The following ANOS1 variants were observed in gnomAD, a reference collection of about 807,000 sequenced individuals.
The protein encoded by ANOS1 is anosmin-1.
In ANOS1, 6 loss-of-function variants were observed where a neutral mutation model predicts 59.0. That is an observed-to-expected ratio of 0.10 (90% CI 0.06 to 0.20). The LOEUF is 0.20. Ranked by LOEUF, ANOS1 falls within the 10% of genes least tolerant of loss-of-function variation. The probability of loss-of-function intolerance (pLI) is 1.00; values close to 1 mark genes in which losing one functional copy is unlikely to be tolerated. For synonymous variants in ANOS1, 217 were observed against 223.4 expected (o/e 0.97, Z 0.25); for missense variants, 433 against 542.3 (o/e 0.80, Z 2.00).
chrX:8,659,141 C>A (rs1468138825), intron 2 of ANOS1, among the ~76,000 whole-genome samples: 1 of 109,929 alleles, frequency 9.1e-6, no homozygotes, highest in African/African-American at 3.3e-5. Flanking sequence ...GCAGGAGAAT[C>A]GCGTGAACCC....
At chrX:8,709,704 C>G (rs1273963217) in intron 1 of ANOS1, among the ~76,000 whole-genome samples, 1 of 111,823 alleles carries the variant, frequency 8.9e-6, no homozygotes, top group Non-Finnish European at 1.9e-5. Context: ...ATTTCCTTAA[C>G]TGTTGTAGGT....
chrX:8,561,604 C>T (rs1384607076), intron 8 of ANOS1, among the ~76,000 whole-genome samples: 2 of 108,425 alleles, frequency 1.8e-5, no homozygotes, highest in East Asian at 2.9e-4. Context: ...CGTGAGCCAC[C>T]GCGCCCAGCC....
At chrX:8,588,562 C>T (rs1482623249) in intron 4 of ANOS1, among the ~76,000 whole-genome samples, 1 of 112,110 alleles carries the variant, frequency 8.9e-6, no homozygotes, top group Admixed American at 9.5e-5. Flanking sequence ...TTGGATTCCG[C>T]AATCAATTGC....
At chrX:8,671,868 ATAGTTAAGG>A (rs1288877621) in intron 2 of ANOS1, among the ~76,000 whole-genome samples, 89 of 110,939 alleles carry the variant, frequency 8.0e-4, no homozygotes, top group African/African-American at 2.7e-3. Context: ...ACATTGTGGA[ATAGTTAAGG>A]TAGTTAACGT....
In ANOS1 at chrX:8,644,445, C is replaced by T. The variant is rs184718888; in HGVS notation, c.256-20775G>A. Among the ~76,000 whole-genome samples the T allele has an allele frequency of 2.8e-4, 31 of 109,025 alleles. No individual in the cohort carries two copies. The East Asian group carries it at 8.7e-3, about 31-fold the overall frequency. 94.7% of individuals were successfully genotyped at this position (109,025 alleles called of 115,157 possible). On this transcript the variant is annotated intron_variant, in intron 2 of 13. Transcript: ENST00000262648. ...ATAAGATACCCAACTCCAACCTGAC[C>T]GTAGTATAGCATCACATGACAGATA...
rs1048742699 is a variant in ANOS1 at position 8,702,482 on chromosome X, G to A, written c.208-2737C>T. Among the ~76,000 whole-genome samples the A allele has an allele frequency of 1.3e-4, 15 of 112,022 alleles. No individual in the cohort carries two copies. In the East Asian group the frequency reaches 3.1e-3, roughly 23 times the overall value. On this transcript the variant is annotated intron_variant, in intron 1 of 13. Transcript: ENST00000262648. Reference sequence around the variant, plus strand: ...GCAGGGGCCAGGCATTGAGCATGCAGAAGCTGGGGGCTGGGGCAGGGCAGC... The same window carrying A: ...GCAGGGGCCAGGCATTGAGCATGCAAAAGCTGGGGGCTGGGGCAGGGCAGC...
intron 2 of ANOS1, among the ~76,000 whole-genome samples, chrX:8,642,680 T>C (rs986973604): frequency 1.8e-5 from 2 of 112,133 alleles, no homozygotes; most frequent in Non-Finnish European, 3.8e-5. Context: ...TTTGAATAGA[T>C]TCATATTGTC....
rs761965642 is a variant in ANOS1, at chrX:8,607,049, G to A, written c.319-9793C>T. On this transcript the variant is annotated intron_variant, in intron 3 of 13. Transcript: ENST00000262648. ...CAGGAGAATCTTCAAACTAGGAGAC[G>A]GAGGTTGCAGTGAGCCAAGATTGCA... 5.4e-5 allele frequency among the ~76,000 whole-genome samples: 6 copies of A among 112,062 alleles called. No individual in the cohort carries two copies. The South Asian group carries it at 1.1e-3, about 21-fold the overall frequency.
chrX:8,714,566 C>G (rs1602040769), intron 1 of ANOS1, among the ~76,000 whole-genome samples: 1 of 111,163 alleles, frequency 9.0e-6, no homozygotes, highest in South Asian at 3.8e-4. Flanking sequence ...ATGTGCTTCC[C>G]TACTGAATAT....
intron 1 of ANOS1, among the ~76,000 whole-genome samples, chrX:8,709,024 A>T (rs920575868): frequency 2.6e-4 from 29 of 111,095 alleles, no homozygotes; most frequent in Admixed American, 2.3e-3. Context: ...CAGAAAACCA[A>T]ACACCGCAAG....
intron 2 of ANOS1, among the ~76,000 whole-genome samples, chrX:8,636,871 T>A (rs1340052160): frequency 8.9e-6 from 1 of 112,263 alleles, no homozygotes; most frequent in Non-Finnish European, 1.9e-5. Flanking sequence ...CTGCTCCAGA[T>A]TAATGAGTTA....
chrX:8,548,583 C>T (rs1010648065), intron 9 of ANOS1, among the ~76,000 whole-genome samples: 25 of 112,261 alleles, frequency 2.2e-4, no homozygotes, highest in African/African-American at 7.8e-4. Flanking sequence ...CAGAACAAAT[C>T]CTGACATGTC....
chrX:8,656,546 T>A (rs1276922200), intron 2 of ANOS1, among the ~76,000 whole-genome samples: 1 of 111,407 alleles, frequency 9.0e-6, no homozygotes, highest in African/African-American at 3.3e-5. Context: ...GAGCCACTCA[T>A]TCATCCTCGT....
chrX:8,572,300 G>A (rs759392069), intron 6 of ANOS1, among the ~76,000 whole-genome samples: 1 of 110,176 alleles, frequency 9.1e-6, no homozygotes, highest in South Asian at 4.0e-4. Flanking sequence ...CCTCCCCCAA[G>A]CAGGCCCTGG....
chrX:8,675,747 G>A (rs372074202), intron 2 of ANOS1, among the ~76,000 whole-genome samples: 2 of 108,247 alleles, frequency 1.8e-5, no homozygotes, highest in East Asian at 5.8e-4. Context: ...GGATGTGCAG[G>A]TTTGTTACAT....
intron 8 of ANOS1, among the ~76,000 whole-genome samples, chrX:8,567,136 C>A (rs1429614418): frequency 1.8e-5 from 2 of 111,951 alleles, no homozygotes; most frequent in Non-Finnish European, 3.8e-5. Context: ...TTGAACAAAG[C>A]CAGAAACATC....
chrX:8,533,898 T>C (rs893909018), intron 13 of ANOS1, among the ~76,000 whole-genome samples: 15 of 109,254 alleles, frequency 1.4e-4, no homozygotes, highest in African/African-American at 5.0e-4. Context: ...CATATGTATT[T>C]ATGGTTTAAA....
At chrX:8,565,356 G>T (rs1930092933) in intron 8 of ANOS1, among the ~76,000 whole-genome samples, 1 of 111,522 alleles carries the variant, frequency 9.0e-6, no homozygotes, top group Non-Finnish European at 1.9e-5. Context: ...AAGGGGGTTG[G>T]TAAGGAATAT....
At chrX:8,551,116 C>T (rs1055494938) in intron 9 of ANOS1, among the ~76,000 whole-genome samples, 3 of 111,783 alleles carry the variant, frequency 2.7e-5, no homozygotes, top group Non-Finnish European at 5.6e-5. Flanking sequence ...GAGGTCTCCC[C>T]AGCCATGTGG....
Sources: allele counts gnomAD v4.1 joint callset (sites outside exome capture counted in the v4.1 genomes callset), GRCh38; gene constraint gnomAD v4.1.1; transcripts MANE v1.5; gene names NCBI Gene and HGNC (gene_info 2026-07-23, HGNC 2026-07-21).